The following ZMYM6 variants were observed in gnomAD, a reference collection of about 807,000 sequenced individuals.
ZMYM6 encodes zinc finger MYM-type containing 6, also known as zinc finger MYM-type protein 6.
In ZMYM6, 90 loss-of-function variants were observed where a neutral mutation model predicts 134.0. The ratio of observed to expected loss-of-function variants is 0.67; its 90% confidence interval spans 0.57 to 0.80. The LOEUF is 0.80. Among genes scored for constraint, ZMYM6 ranks in the 30% least tolerant of loss-of-function variants. The pLI is 0.00. For missense variants in ZMYM6, 1,362 were observed against 1,533.9 expected (o/e 0.89, Z 1.87); for synonymous variants, 481 against 524.1 (o/e 0.92, Z 1.12).
chr1:34,986,898 A>G lies in ZMYM6; in HGVS notation c.*206T>C. 6.1e-6 allele frequency: 2 copies of G among 327,668 alleles called. No individual in the cohort carries two copies. The highest frequency in any genetic ancestry group is 1.1e-5 in the Non-Finnish European group (2 of 187,666). 20.3% of individuals were successfully genotyped at this position (327,668 alleles called of 1,614,324 possible). On this transcript the variant is annotated 3_prime_UTR_variant, in exon 16 of 16. Coordinates refer to ENST00000357182, the MANE Select transcript of ZMYM6 (RefSeq NM_007167.4). ...TTGTCACTAGTCCAAATTTAATGAA[A>G]TAACTAAATTTTCTACCCTAGATTA...
intron 4 of ZMYM6, among the ~76,000 whole-genome samples, chr1:35,015,723 C>CAAAAAAA (rs1331400824): frequency 2.7e-4 from 14 of 51,192 alleles, no homozygotes; most frequent in African/African-American, 1.5e-3. Context: ...GACTCCATCT[C>CAAAAAAA]AAAAAAAAAA....
At position 35,006,941 on chromosome 1, in the gene ZMYM6, T is replaced by C; in HGVS notation, c.1813+10A>G. 1.9e-6 allele frequency: 3 copies of C among 1,606,282 alleles called. No individual in the cohort carries two copies. The highest frequency in any genetic ancestry group is 2.6e-6 in the Non-Finnish European group (3 of 1,176,434). ...GACATAAAAATCCCATTAGCTAAGTTTAATTTTACCTTTATTTTGTGGAAG... is the reference window on the plus strand; with the variant it reads ...GACATAAAAATCCCATTAGCTAAGTCTAATTTTACCTTTATTTTGTGGAAG... On this transcript the variant is annotated intron_variant, in intron 12 of 15. Transcript: ENST00000357182.
intron 7 of ZMYM6, 109 bp from the exon 8 acceptor site, chr1:35,012,114 A>G (rs919512768): frequency 8.4e-6 from 6 of 710,102 alleles, no homozygotes; most frequent in Non-Finnish European, 1.3e-5. Flanking sequence ...ATACCAAAAA[A>G]ATCAAGGAAC....
At chr1:35,031,427 A>G (rs1046766715) in intron 1 of ZMYM6, 2 of 152,232 alleles carry the variant, frequency 1.3e-5, no homozygotes, top group African/African-American at 2.4e-5. Context: ...CCTAAAACAA[A>G]AAGCTCTTCA....
chr1:35,025,079 C>T (rs1409421390), intron 2 of ZMYM6, among the ~76,000 whole-genome samples: 1 of 150,162 alleles, frequency 6.7e-6, no homozygotes, highest in Non-Finnish European at 1.5e-5. Flanking sequence ...CCGTGTTGGC[C>T]AGGCTGGTCT....
intron 10 of ZMYM6, among the ~76,000 whole-genome samples, chr1:35,010,110 T>C (rs1641058052): frequency 6.6e-6 from 1 of 152,050 alleles, no homozygotes; most frequent in South Asian, 2.1e-4. Context: ...CTGAGGTTCA[T>C]GCAATTCTCC....
chr1:35,008,125 G>A (rs1215320316), intron 11 of ZMYM6, among the ~76,000 whole-genome samples: 1 of 152,128 alleles, frequency 6.6e-6, no homozygotes, highest in Non-Finnish European at 1.5e-5. Context: ...TTACCAGAGT[G>A]TTATAGATGC....
chr1:34,996,336 G>A (rs1640784111), intron 14 of ZMYM6, among the ~76,000 whole-genome samples: 1 of 151,884 alleles, frequency 6.6e-6, no homozygotes, highest in South Asian at 2.1e-4. Context: ...TCCCTCTTCT[G>A]TGAACTCTCT....
At chr1:35,004,156 C>G in intron 13 of ZMYM6, 151 bp from the exon 14 acceptor site, 1 of 641,876 alleles carries the variant, frequency 1.6e-6, no homozygotes. Flanking sequence ...TCAGTATCAC[C>G]CAGGGTGCTT....
At chr1:34,994,925 G>A (rs1266071954) in intron 14 of ZMYM6, among the ~76,000 whole-genome samples, 6 of 125,768 alleles carry the variant, frequency 4.8e-5, no homozygotes, top group Non-Finnish European at 9.0e-5. Context: ...TGTATATATA[G>A]ACATATATAT....
chr1:34,993,115 C>CT (rs11314796), intron 14 of ZMYM6, among the ~76,000 whole-genome samples: 180 of 138,936 alleles, frequency 1.3e-3, no homozygotes, highest in Non-Finnish European at 1.6e-3. Flanking sequence ...TTTCTTTTTT[C>CT]TTTTTTTTTT....
At position 35,019,480 on chromosome 1, in the gene ZMYM6, T is replaced by C; in HGVS notation, c.301A>G (p.Lys101Glu). The change falls in exon 4 of 16, where the codon AAG (lysine) becomes GAG (glutamate). Residue 101 changes from lysine (K) to glutamate (E), a missense_variant. Physicochemically the swap from Lys to Glu is moderately conservative, Grantham distance 56. This residue lies in a region of ZMYM6 where 503 missense variants were observed against 520.8 expected (regional missense o/e 0.97). Transcript: ENST00000357182. ...GTCTTATGATATGCAGTTTGGCCCT[T>C]ATAAAGCATTTTTTTACAACCAGAA... The part of the protein sequence containing the change: ...FCSGCKKMLY[K>E]GQTAYHKTGS... 6.2e-7 allele frequency: 1 copy of C among 1,614,144 alleles called. No homozygotes were observed. The highest frequency in any genetic ancestry group is 1.1e-5 in the South Asian group (1 of 91,082).
intron 2 of ZMYM6, chr1:35,030,287 T>C (rs1391490575): frequency 8.9e-6 from 3 of 337,922 alleles, no homozygotes; most frequent in African/African-American, 6.4e-5. Flanking sequence ...AAAAAATAGT[T>C]GAGCATGTTG....
At position 34,999,033 on chromosome 1, in the gene ZMYM6, G is replaced by T. The variant is rs376596619; in HGVS notation, c.1992+4935C>A. ...AACTACCAGAAGGCTGAGGTGGGAG[G>T]GTCTCTCAATCCCAGAAGGTGGAGG... On this transcript the variant is annotated intron_variant, in intron 14 of 15. Transcript: ENST00000357182. Among the ~76,000 whole-genome samples, 4 of 152,138 alleles carry T rather than the reference G, an allele frequency of 2.6e-5. No individual in the cohort carries two copies. In the East Asian group the frequency reaches 7.7e-4, roughly 29 times the overall value.
chr1:34,990,614 A>G (rs1218450912), intron 15 of ZMYM6, among the ~76,000 whole-genome samples: 1 of 152,218 alleles, frequency 6.6e-6, no homozygotes, highest in African/African-American at 2.4e-5. Flanking sequence ...AACATTGCTT[A>G]TAATACAAAT....
chr1:35,012,287 A>C, intron 7 of ZMYM6, 144 bp downstream of exon 7: 1 of 810,262 alleles, frequency 1.2e-6, no homozygotes. Flanking sequence ...CTATTTTCAC[A>C]TAAAAGTCAG....
intron 1 of ZMYM6, chr1:35,031,481 G>A (rs1379787018): frequency 6.6e-6 from 1 of 152,274 alleles, no homozygotes; most frequent in Non-Finnish European, 1.5e-5. Flanking sequence ...ACGGACAACT[G>A]GTTGAAAAGC....
chr1:35,015,963 T>A (rs1641180033), intron 4 of ZMYM6, among the ~76,000 whole-genome samples: 1 of 138,072 alleles, frequency 7.2e-6, no homozygotes, highest in African/African-American at 3.0e-5. Context: ...TTTTTTTTTT[T>A]GTGAGACGGA....
At chr1:35,005,758 A>G (rs964523769) in intron 12 of ZMYM6, among the ~76,000 whole-genome samples, 2 of 152,240 alleles carry the variant, frequency 1.3e-5, no homozygotes, top group Non-Finnish European at 2.9e-5. Flanking sequence ...ATTTTTATAA[A>G]TAAGTTAATG....
Sources: allele counts gnomAD v4.1 joint callset (sites outside exome capture counted in the v4.1 genomes callset), GRCh38; gene constraint gnomAD v4.1.1; regional missense constraint gnomAD v4.1.1; transcripts MANE v1.5; gene names NCBI Gene and HGNC (gene_info 2026-07-23, HGNC 2026-07-21).